The following BSN variants were observed in gnomAD, a reference collection of about 807,000 sequenced individuals.
BSN encodes the protein bassoon presynaptic cytomatrix protein, also known as protein bassoon.
Under a neutral mutation model 264.8 loss-of-function variants are expected in BSN, and 57 were observed. The observed-to-expected ratio is 0.22, with a 90% CI of 0.17 to 0.27. The LOEUF (loss-of-function observed/expected upper bound fraction) is 0.27, where lower values mean the gene tolerates loss of function less well. BSN is among the 10% of genes least tolerant of loss of function. The pLI, the probability that BSN is intolerant of heterozygous loss-of-function variation, is 1.00. For missense variants in BSN, 4,615 were observed against 5,232.5 expected, an observed-to-expected ratio of 0.88 and a Z score of 3.64; for synonymous variants, 2,059 against 2,137.3, an observed-to-expected ratio of 0.96 and a Z score of 1.01.
Position 49,660,005 on chromosome 3 carries a change from TGATCCTCTAGG to T in BSN, c.8641-478_8641-468del, listed in dbSNP as rs1160146756. On this transcript the variant is annotated intron_variant, in intron 5 of 11. Coordinates refer to ENST00000296452, the MANE Select transcript of BSN (RefSeq NM_003458.4). The surrounding 1 kb of genome is among the most constrained non-coding windows in gnomAD (Gnocchi z 7.1). ...TACAATCTACATGTGTCCCTTCCCA[TGATCCTCTAGG>T]GAGCCTGGCGGGCCCAGGACCCTCT... Among the ~76,000 whole-genome samples the T allele has an allele frequency of 6.6e-6, 1 of 152,134 alleles. No homozygotes were observed. Among genetic ancestry groups the T allele is most frequent in the African/African-American group, 2.4e-5 (1 of 41,414 alleles).
chr3:49,653,743 G>A lies in BSN; in HGVS notation c.4187G>A (p.Gly1396Glu), dbSNP rs776626294. The change falls in exon 5 of 12, where the codon GGA becomes GAA. Residue 1396 changes from glycine (G) to glutamate (E), a missense_variant. This residue lies in a region of BSN where 3,415 missense variants were observed against 3,866.4 expected (regional missense o/e 0.88). Transcript: ENST00000296452. The surrounding 1 kb of genome is among the most constrained non-coding windows in gnomAD (Gnocchi z 6.3). ...VAPCPAGLPR[G>E]YMTPASPAGS... ...CCTTGTCCAGCTGGGCTGCCACGAGGATATATGACTCCAGCCTCCCCAGCA... is the reference window on the plus strand; with the variant it reads ...CCTTGTCCAGCTGGGCTGCCACGAGAATATATGACTCCAGCCTCCCCAGCA... 2.5e-6 allele frequency: 4 copies of A among 1,613,988 alleles called. No homozygotes were observed. The highest frequency in any genetic ancestry group is 3.4e-6 in the Non-Finnish European group (4 of 1,179,994).
chr3:49,659,520 TA>T (rs1316958579), intron 5 of BSN, among the ~76,000 whole-genome samples: 1 of 152,106 alleles, frequency 6.6e-6, no homozygotes, highest in East Asian at 1.9e-4. Context: ...AGGTAAAAAG[TA>T]AGAATCCTAT....
At chr3:49,605,917 A>AATATATTTATATCTATATAT in intron 1 of BSN, among the ~76,000 whole-genome samples, 5 of 1,288 alleles carry the variant, frequency 3.9e-3, no homozygotes, top group Non-Finnish European at 0.011. Flanking sequence ...AATAGATATA[A>AATATATTTATATCTATATAT]ATAGATATAA....
At chr3:49,614,404 G>A (rs1028296531) in intron 1 of BSN, among the ~76,000 whole-genome samples, 7 of 152,136 alleles carry the variant, frequency 4.6e-5, no homozygotes, top group African/African-American at 1.2e-4. Flanking sequence ...CATTTGACAC[G>A]TCAGCTGACT....
intron 1 of BSN, among the ~76,000 whole-genome samples, chr3:49,563,148 G>A (rs968742481): frequency 6.6e-6 from 1 of 152,194 alleles, no homozygotes; most frequent in Admixed American, 6.5e-5. Flanking sequence ...CTCTTCCATT[G>A]TGTGGCAGAG....
intron 1 of BSN, among the ~76,000 whole-genome samples, chr3:49,557,992 C>T (rs77431488): frequency 0.012 from 1,767 of 152,288 alleles, 37 homozygotes; most frequent in African/African-American, 0.041. Context: ...TATAGTGCTT[C>T]CCTGTCCTTC....
chr3:49,657,063 C>T lies in BSN; in HGVS notation c.7507C>T (p.Pro2503Ser). The T allele has an allele frequency of 6.2e-7, 1 of 1,608,774 alleles. No homozygotes were observed. Among genetic ancestry groups the T allele is most frequent in the Non-Finnish European group, 8.5e-7 (1 of 1,176,754 alleles). ...AELAQNGQYW[P>S]PLTHAAFIAM... Reference sequence around the variant, plus strand: ...GTTGGCCCAGAATGGCCAGTATTGGCCCCCCCTTACACATGCAGCCTTCAT... The same window carrying T: ...GTTGGCCCAGAATGGCCAGTATTGGTCCCCCCTTACACATGCAGCCTTCAT... The change falls in exon 5 of 12, where the codon CCC becomes TCC. Residue 2503 changes from proline to serine, a missense_variant. Coordinates refer to ENST00000296452, the MANE Select transcript of BSN (RefSeq NM_003458.4).
rs760512826 is a variant in BSN, at chr3:49,664,430, G to A, written c.11616G>A (p.Lys3872=). 1.9e-6 allele frequency: 3 copies of A among 1,613,636 alleles called. No individual in the cohort carries two copies. Among genetic ancestry groups the A allele is most frequent in the African/African-American group, 2.7e-5 (2 of 74,920 alleles). The change falls in exon 9 of 12, where the codon AAG becomes AAA. Residue 3872 remains lysine (K), a synonymous_variant. Transcript: ENST00000296452. ...CGATTTCTTTCCTCCTAGGTGTGAA[G>A]GCTGGAGCCAGGCCTGGAGGAACCC... ...PAPGPGPAGV[K]AGARPGGTPG...
At chr3:49,615,901 T>A (rs2052256233) in intron 1 of BSN, among the ~76,000 whole-genome samples, 1 of 152,170 alleles carries the variant, frequency 6.6e-6, no homozygotes, top group Non-Finnish European at 1.5e-5. Context: ...AAGAATTTTC[T>A]TAGCAGTGGC....
rs1046131293 is a variant in BSN at position 49,618,752 on chromosome 3, A to G, written c.225-6223A>G. ...ATGAACAGCTCATCTTTTAAGACCCAGTTTAAATGTCTTCTCATCCTCAAA... is the reference window on the plus strand; with the variant it reads ...ATGAACAGCTCATCTTTTAAGACCCGGTTTAAATGTCTTCTCATCCTCAAA... On this transcript the variant is annotated intron_variant, in intron 1 of 11. Coordinates refer to ENST00000296452, the MANE Select transcript of BSN (RefSeq NM_003458.4). 1.1e-4 allele frequency among the ~76,000 whole-genome samples: 16 copies of G among 152,318 alleles called. 1 individual carries two copies. The highest frequency in any genetic ancestry group is 3.1e-4 in the African/African-American group (13 of 41,576).
chr3:49,650,679 C>A lies in BSN; in HGVS notation c.1586C>A (p.Thr529Asn). 6.2e-7 allele frequency: 1 copy of A among 1,608,864 alleles called. No homozygotes were observed. The highest frequency in any genetic ancestry group is 8.5e-7 in the Non-Finnish European group (1 of 1,178,546). Residue 529 changes from threonine (T) to asparagine (N), a missense_variant, in exon 4 of 12, where the codon ACC becomes AAC. Thr to Asn is a moderately conservative substitution (Grantham distance 65). This residue lies in a region of BSN where 1,197 missense variants were observed against 1,348.0 expected (regional missense o/e 0.89). Coordinates refer to ENST00000296452, the MANE Select transcript of BSN (RefSeq NM_003458.4). ...RLLEGSLGEP[T>N]PLPPPTSQQP... Reference sequence around the variant, plus strand: ...CTGGAGGGCAGCCTAGGAGAGCCGACCCCCCTGCCGCCGCCCACCTCACAG... The same window carrying A: ...CTGGAGGGCAGCCTAGGAGAGCCGAACCCCCTGCCGCCGCCCACCTCACAG...
intron 1 of BSN, among the ~76,000 whole-genome samples, chr3:49,564,631 A>T (rs2051739344): frequency 6.6e-6 from 1 of 152,186 alleles, no homozygotes. Flanking sequence ...TTGCCAGCTC[A>T]GGTTTGGAGT....
chr3:49,617,906 G>A (rs1278844284), intron 1 of BSN, among the ~76,000 whole-genome samples: 1 of 152,166 alleles, frequency 6.6e-6, no homozygotes, highest in Non-Finnish European at 1.5e-5. Flanking sequence ...GCACTCATAG[G>A]TGTAGCCTTT....
At position 49,652,085 on chromosome 3, in the gene BSN, G is replaced by A; in HGVS notation, c.2529G>A (p.Met843Ile). 3.1e-6 allele frequency: 5 copies of A among 1,610,732 alleles called. No individual in the cohort carries two copies. Among genetic ancestry groups the A allele is most frequent in the Non-Finnish European group, 4.2e-6 (5 of 1,177,580 alleles). ...CAGAACTGACTGATGAGGATTTCAT[G>A]CGACGGCAGATTCTCGAGATGAGCG... ...RAAELTDEDF[M>I]RRQILEMSAE... Residue 843 changes from methionine to isoleucine, a missense_variant, in exon 5 of 12, where the codon ATG (methionine) becomes ATA (isoleucine). Physicochemically the swap from Met to Ile is conservative, Grantham distance 10. This residue lies in a region of BSN where 1,197 missense variants were observed against 1,348.0 expected (regional missense o/e 0.89). Coordinates refer to ENST00000296452, the MANE Select transcript of BSN (RefSeq NM_003458.4).
chr3:49,598,373 C>T (rs1054626215), intron 1 of BSN, among the ~76,000 whole-genome samples: 13 of 152,190 alleles, frequency 8.5e-5, no homozygotes, highest in African/African-American at 2.9e-4. Context: ...GTCTGTTTTC[C>T]CTGAAGTGTG....
At position 49,668,934 on chromosome 3, in the gene BSN, G is replaced by A. The variant is rs1040340587; in HGVS notation, c.*1449G>A. On this transcript the variant is annotated 3_prime_UTR_variant, in exon 12 of 12. Transcript: ENST00000296452. ...GAGTTAATTGCAAACATGCAATTGA[G>A]AAACTGGATAGATACACTCATAAAA... 2 of 152,464 alleles carry A rather than the reference G, an allele frequency of 1.3e-5. No individual in the cohort carries two copies. Among genetic ancestry groups the A allele is most frequent in the Non-Finnish European group, 2.9e-5 (2 of 68,026 alleles). 9.4% of individuals were successfully genotyped at this position (152,464 alleles called of 1,614,324 possible).
intron 1 of BSN, among the ~76,000 whole-genome samples, chr3:49,617,311 A>C (rs2052268288): frequency 7.4e-6 from 1 of 135,500 alleles, no homozygotes; most frequent in African/African-American, 2.7e-5. Context: ...ATATATATAT[A>C]TATATATAAT....
In BSN at chr3:49,653,507, C is replaced by G. The variant is rs376677158; in HGVS notation, c.3951C>G (p.Leu1317=). 6.2e-7 allele frequency: 1 copy of G among 1,613,884 alleles called. No individual in the cohort carries two copies. ...PLTPGTSPTQ[L]AAPVSFSTPT... ...CCCCTGGTACCAGTCCCACCCAGCT[C>G]GCTGCCCCTGTGTCCTTCTCTACCC... Residue 1317 remains leucine, a synonymous_variant, in exon 5 of 12, where the codon CTC becomes CTG. Coordinates refer to ENST00000296452, the MANE Select transcript of BSN (RefSeq NM_003458.4). This position sits in a 1 kb window ranked among gnomAD's most constrained non-coding sequence, Gnocchi z 6.3.
intron 1 of BSN, among the ~76,000 whole-genome samples, chr3:49,576,963 T>C (rs2051848906): frequency 6.6e-6 from 1 of 152,222 alleles, no homozygotes; most frequent in Admixed American, 6.5e-5. Context: ...TTCCCATCTC[T>C]CTGGAACTCT....
Sources: allele counts gnomAD v4.1 joint callset (sites outside exome capture counted in the v4.1 genomes callset), GRCh38; gene constraint gnomAD v4.1.1; regional missense constraint gnomAD v4.1.1; non-coding constraint Gnocchi (gnomAD v3.1); transcripts MANE v1.5; gene names NCBI Gene and HGNC (gene_info 2026-07-23, HGNC 2026-07-21).